Variants in MGAT4C observed in about 807,000 individuals in gnomAD.
The protein encoded by MGAT4C is alpha-1,3-mannosyl-glycoprotein 4-beta-N-acetylglucosaminyltransferase C.
Under a neutral mutation model 40.1 loss-of-function variants are expected in MGAT4C, and 19 were observed. The ratio of observed to expected loss-of-function variants is 0.47; its 90% confidence interval spans 0.33 to 0.70. The LOEUF (loss-of-function observed/expected upper bound fraction) is 0.70, where lower values mean the gene tolerates loss of function less well. Ranked by LOEUF, MGAT4C falls within the 30% of genes least tolerant of loss-of-function variation. The pLI, the probability that MGAT4C is intolerant of heterozygous loss-of-function variation, is 0.02. For synonymous variants in MGAT4C, 181 were observed against 187.1 expected, an observed-to-expected ratio of 0.97 and a Z score of 0.27; for missense variants, 491 against 563.2, an observed-to-expected ratio of 0.87 and a Z score of 1.30.
intron 2 of MGAT4C, among the ~76,000 whole-genome samples, chr12:86,635,696 T>A (rs1035555761): frequency 6.6e-6 from 1 of 151,620 alleles, no homozygotes; most frequent in South Asian, 2.1e-4. Flanking sequence ...TATGTTAAGA[T>A]AGGATCTTGC....
intron 2 of MGAT4C, among the ~76,000 whole-genome samples, chr12:86,518,846 C>T (rs1958742807): frequency 6.6e-6 from 1 of 151,950 alleles, no homozygotes; most frequent in Admixed American, 6.6e-5. Context: ...CAATGAAATC[C>T]TACTCAGCAG....
At chr12:86,595,328 C>T (rs547684529) in intron 2 of MGAT4C, among the ~76,000 whole-genome samples, 1 of 151,952 alleles carries the variant, frequency 6.6e-6, no homozygotes, top group African/African-American at 2.4e-5. Context: ...GTCAGGAGTT[C>T]GAGACCAGCC....
chr12:86,709,734 T>C (rs1431405964), intron 2 of MGAT4C, among the ~76,000 whole-genome samples: 3 of 152,098 alleles, frequency 2.0e-5, no homozygotes, highest in African/African-American at 7.2e-5. Flanking sequence ...AAAATAAGTA[T>C]TTCTAACTAT....
intron 2 of MGAT4C, among the ~76,000 whole-genome samples, chr12:86,550,373 T>G (rs1171501731): frequency 6.6e-6 from 1 of 152,158 alleles, no homozygotes; most frequent in East Asian, 1.9e-4. Context: ...CCACAGTCCT[T>G]GAAAGCCCTG....
intron 1 of MGAT4C, among the ~76,000 whole-genome samples, chr12:86,193,507 T>C (rs1420711069): frequency 6.6e-6 from 1 of 152,112 alleles, no homozygotes; most frequent in East Asian, 1.9e-4. Flanking sequence ...GTGTTTTCAG[T>C]TGCAATTATT....
chr12:86,714,027 TA>T (rs1950601828), intron 2 of MGAT4C, among the ~76,000 whole-genome samples: 1 of 152,166 alleles, frequency 6.6e-6, no homozygotes, highest in Non-Finnish European at 1.5e-5. Context: ...AGAAATTTCA[TA>T]TAGGAAGCAA....
At position 86,628,775 on chromosome 12, in the gene MGAT4C, C is replaced by T. The variant is rs542602357; in HGVS notation, c.-229+98434G>A. On this transcript the variant is annotated intron_variant, in intron 2 of 7. Coordinates refer to the MGAT4C transcript ENST00000548651. ...TAAACACGGAAAGGAAAAACCAGTG[C>T]AAGCCACTGCAAAAACATGCCAAAT... Among the ~76,000 whole-genome samples the T allele has an allele frequency of 1.8e-4, 28 of 152,274 alleles. 1 individual carries two copies. In the South Asian group the frequency reaches 3.5e-3, roughly 19 times the overall value.
At chr12:86,069,225 T>C (rs1014067102) in intron 1 of MGAT4C, among the ~76,000 whole-genome samples, 2 of 152,170 alleles carry the variant, frequency 1.3e-5, no homozygotes, top group South Asian at 4.1e-4. Flanking sequence ...TGTTAAGTAT[T>C]ATTTTAATAA....
intron 2 of MGAT4C, among the ~76,000 whole-genome samples, chr12:86,663,094 G>A (rs1010593638): frequency 8.6e-5 from 13 of 152,044 alleles, no homozygotes. Flanking sequence ...CAGGAACTGT[G>A]GCTTACTGTT....
chr12:86,604,090 C>T (rs1244465135), intron 2 of MGAT4C, among the ~76,000 whole-genome samples: 1 of 151,808 alleles, frequency 6.6e-6, no homozygotes, highest in Non-Finnish European at 1.5e-5. Flanking sequence ...GGGGATTCTG[C>T]CTAACTAAAT....
intron 1 of MGAT4C, among the ~76,000 whole-genome samples, chr12:86,230,785 T>G (rs1194694116): frequency 1.3e-5 from 2 of 152,068 alleles, no homozygotes; most frequent in African/African-American, 4.8e-5. Context: ...AAACAAAACA[T>G]TTTGAATAAT....
chr12:86,254,008 C>G (rs574609354), intron 1 of MGAT4C, among the ~76,000 whole-genome samples: 1 of 151,936 alleles, frequency 6.6e-6, no homozygotes, highest in South Asian at 2.1e-4. Context: ...TAATAAGTAT[C>G]TTTTCATGGC....
In MGAT4C at chr12:85,961,713, T is replaced by A. The variant is rs1329457598; in HGVS notation, c.*17576A>T. ...TTATTTGAATTTTTCTGGCCTAACCTTGTTGGCATGAGAGTTCCCACTTTG... is the reference window on the plus strand; with the variant it reads ...TTATTTGAATTTTTCTGGCCTAACCATGTTGGCATGAGAGTTCCCACTTTG... On this transcript the variant is annotated 3_prime_UTR_variant, in exon 5 of 5. Coordinates refer to ENST00000611864, the MANE Select transcript of MGAT4C (RefSeq NM_001351288.2). The A allele has an allele frequency of 6.6e-6, 1 of 151,880 alleles. No individual in the cohort carries two copies. The highest frequency in any genetic ancestry group is 1.5e-5 in the Non-Finnish European group (1 of 67,788). 9.4% of individuals were successfully genotyped at this position (151,880 alleles called of 1,614,324 possible). A position where few individuals can be genotyped will look rare whatever the true frequency, so the allele number is the denominator to read the frequency against.
In MGAT4C at chr12:86,176,536, A is replaced by G. The variant is rs143889141; in HGVS notation, c.-57+79703T>C. Among the ~76,000 whole-genome samples the G allele has an allele frequency of 3.2e-3, 494 of 152,180 alleles. 3 individuals carry two copies. Among genetic ancestry groups the G allele is most frequent in the African/African-American group, 0.011 (475 of 41,506 alleles). ...TATATCCCTATATATTCAGAAACGT[A>G]TCTGGCAATTTGACTCTATAGATAT... On this transcript the variant is annotated intron_variant, in intron 1 of 4. Transcript: ENST00000611864.
intron 4 of MGAT4C, among the ~76,000 whole-genome samples, chr12:86,273,375 A>T (rs963933101): frequency 1.3e-5 from 2 of 152,206 alleles, no homozygotes; most frequent in Middle Eastern, 3.2e-3. Flanking sequence ...ATGGAACATA[A>T]GAAAAATATA....
intron 2 of MGAT4C, among the ~76,000 whole-genome samples, chr12:86,000,696 G>C (rs962646141): frequency 1.3e-5 from 2 of 152,054 alleles, no homozygotes; most frequent in African/African-American, 4.8e-5. Flanking sequence ...AATTTTATTT[G>C]ATAACATTTT....
chr12:86,048,156 G>A (rs1180287455), intron 2 of MGAT4C, among the ~76,000 whole-genome samples: 1 of 152,144 alleles, frequency 6.6e-6, no homozygotes, highest in African/African-American at 2.4e-5. Flanking sequence ...CGCGTCCTTT[G>A]CAGCAACATG....
chr12:86,566,120 C>G (rs543958691), intron 2 of MGAT4C, among the ~76,000 whole-genome samples: 1 of 152,150 alleles, frequency 6.6e-6, no homozygotes, highest in East Asian at 1.9e-4. Context: ...ACAGTTACTT[C>G]GGATTTGGGT....
intron 2 of MGAT4C, among the ~76,000 whole-genome samples, chr12:86,658,784 T>TGTC (rs1963907600): frequency 6.6e-6 from 1 of 152,170 alleles, no homozygotes; most frequent in South Asian, 2.1e-4. Flanking sequence ...TATACTTTCT[T>TGTC]GTCCAGTTGA....
Sources: gnomAD v4.1 joint callset for allele counts (sites outside exome capture counted in the v4.1 genomes callset) on GRCh38, gnomAD v4.1.1 for gene constraint, MANE v1.5 for transcripts, NCBI Gene and HGNC (gene_info 2026-07-23, HGNC 2026-07-21) for gene names.